GUF1: variants seen among roughly 807,000 people sequenced by gnomAD.
GUF1 encodes translation factor GUF1, mitochondrial.
A neutral mutation model predicts 82.4 loss-of-function variants in GUF1; 78 were observed. The ratio of observed to expected loss-of-function variants is 0.95; its 90% confidence interval spans 0.79 to 1.14. The LOEUF is 1.14. Among genes scored for constraint, GUF1 ranks in the 50% most tolerant of loss-of-function variants. GUF1 has a pLI of 0.00. For synonymous variants in GUF1, 279 were observed against 282.3 expected (o/e 0.99, Z 0.12); for missense variants, 814 against 798.2 (o/e 1.02, Z -0.24).
At chr4:44,692,539 T>C (rs952317384) in intron 13 of GUF1, among the ~76,000 whole-genome samples, 1 of 151,968 alleles carries the variant, frequency 6.6e-6, no homozygotes, top group South Asian at 2.1e-4. Flanking sequence ...AAAATGAACA[T>C]TGACATCTAT....
At chr4:44,681,065 A>G (rs1714745986) in intron 3 of GUF1, 58 bp from the exon 4 acceptor site, 1 of 1,440,922 alleles carries the variant, frequency 6.9e-7, no homozygotes, top group Admixed American at 1.7e-5. Flanking sequence ...ATTTGCCATA[A>G]TGCTCTTTCC....
In GUF1 at chr4:44,697,429, C is replaced by A. The variant is rs140830655; in HGVS notation, c.1857C>A (p.Asn619Lys). The change falls in exon 16 of 17, where the codon AAC (asparagine) becomes AAA (lysine). Residue 619 changes from asparagine (N) to lysine (K), a missense_variant. Asn to Lys is a moderately conservative substitution (Grantham distance 94, BLOSUM62 0). Transcript: ENST00000281543. The stretch of plus-strand genomic sequence containing the variant: ...ACAGTGTGAAAGCCTATAGGAAAAA[C>A]GTTTTGGCAAAATGTGTATGTATCT... The part of the protein sequence containing the change: ...ARETVKAYRK[N>K]VLAKCYGGDI... 6.4e-7 allele frequency: 1 copy of A among 1,561,246 alleles called. No individual in the cohort carries two copies. Among genetic ancestry groups the A allele is most frequent in the East Asian group, 2.3e-5 (1 of 42,984 alleles).
Position 44,689,362 on chromosome 4 carries a change from T to C in GUF1, c.1155T>C (p.Ser385=). The C allele has an allele frequency of 6.2e-7, 1 of 1,610,270 alleles. No homozygotes were observed. Among genetic ancestry groups the C allele is most frequent in the Non-Finnish European group, 8.5e-7 (1 of 1,177,602 alleles). ...AAAAACTGACTTTAAATGATTCCAG[T>C]GTGACCGTTCATCGGGATAGTAGCC... The part of the protein sequence containing the change: ...AIEKLTLNDS[S]VTVHRDSSLA... The change falls in exon 10 of 17, where the codon AGT becomes AGC. Residue 385 remains serine, a synonymous_variant. Coordinates refer to ENST00000281543, the MANE Select transcript of GUF1 (RefSeq NM_021927.3).
At chr4:44,697,554 C>A in intron 16 of GUF1, 110 bp downstream of exon 16, 1 of 528,884 alleles carries the variant, frequency 1.9e-6, no homozygotes, top group Non-Finnish European at 3.3e-6. Flanking sequence ...TCTTTGTTTC[C>A]AAGTTCCCTT....
At chr4:44,693,652 T>C (rs1243000777) in intron 13 of GUF1, among the ~76,000 whole-genome samples, 1 of 152,120 alleles carries the variant, frequency 6.6e-6, no homozygotes, top group Non-Finnish European at 1.5e-5. Context: ...ATTAAGACAA[T>C]AGGAGTATAC....
Position 44,699,623 on chromosome 4 carries a change from G to C in GUF1, c.*942G>C, listed in dbSNP as rs928511675. 2.0e-5 allele frequency: 3 copies of C among 152,152 alleles called. No individual in the cohort carries two copies. The highest frequency in any genetic ancestry group is 6.5e-5 in the Admixed American group (1 of 15,268). The allele number at this position is 152,152 out of a possible 1,614,324, so 9.4% of individuals were successfully genotyped here. ...CTACTTTAAGTTTAAAGGATTTTCA[G>C]AATCACCTTAAGTGTCAAATTTGTT... On this transcript the variant is annotated 3_prime_UTR_variant, in exon 17 of 17. Transcript: ENST00000281543.
chr4:44,686,476 G>GTA (rs758168298), intron 7 of GUF1, 34 bp from the exon 8 acceptor site: 11 of 1,270,096 alleles, frequency 8.7e-6, no homozygotes, highest in Non-Finnish European at 1.0e-5. Context: ...TTAATTTAGT[G>GTA]TATATATATT....
intron 8 of GUF1, among the ~76,000 whole-genome samples, chr4:44,686,982 CAATG>C (rs924429686): frequency 6.6e-5 from 10 of 151,744 alleles, no homozygotes; most frequent in Non-Finnish European, 1.3e-4. Context: ...TTTGATGAGA[CAATG>C]AAAGAGTTAG....
chr4:44,690,872 A>G lies in GUF1; in HGVS notation c.1479+12A>G, dbSNP rs1560346184. The G allele has an allele frequency of 6.4e-7, 1 of 1,558,192 alleles. No homozygotes were observed. The highest frequency in any genetic ancestry group is 2.3e-5 in the East Asian group (1 of 44,086). ...TGATGCTTTGCGAGGTATAACTATA[A>G]TACAATTTAATACAAAATTAGGTTT... On this transcript the variant is annotated intron_variant, in intron 12 of 16. Coordinates refer to ENST00000281543, the MANE Select transcript of GUF1 (RefSeq NM_021927.3).
chr4:44,696,312 C>G (rs1715823235), intron 15 of GUF1, among the ~76,000 whole-genome samples: 1 of 152,064 alleles, frequency 6.6e-6, no homozygotes, highest in Non-Finnish European at 1.5e-5. Context: ...TAAATCAGAA[C>G]ACTGGCTGGG....
rs138183055 is a variant in GUF1 at position 44,692,684 on chromosome 4, A to G, written c.1613+885A>G. Among the ~76,000 whole-genome samples, 50 of 152,032 alleles carry G rather than the reference A, an allele frequency of 3.3e-4. No individual in the cohort carries two copies. In the South Asian group the frequency reaches 3.3e-3, roughly 10 times the overall value. On this transcript the variant is annotated intron_variant, in intron 13 of 16. Transcript: ENST00000281543. ...GTCAGTGAAGAGAGTTAGCATATAT[A>G]ATTCTTCTTACCAAGGAATCTTCAT...
chr4:44,696,318 C>A (rs1223467002), intron 15 of GUF1, among the ~76,000 whole-genome samples: 1 of 152,052 alleles, frequency 6.6e-6, no homozygotes, highest in Non-Finnish European at 1.5e-5. Flanking sequence ...AGAACACTGG[C>A]TGGGTGTGGT....
chr4:44,687,424 G>C (rs1715123932), intron 8 of GUF1, among the ~76,000 whole-genome samples: 1 of 151,710 alleles, frequency 6.6e-6, no homozygotes, highest in South Asian at 2.1e-4. Context: ...TTTATATTCT[G>C]CCATATATAC....
In GUF1 at chr4:44,698,804, G is replaced by C. The variant is rs920310249; in HGVS notation, c.*123G>C. On this transcript the variant is annotated 3_prime_UTR_variant, in exon 17 of 17. Coordinates refer to ENST00000281543, the MANE Select transcript of GUF1 (RefSeq NM_021927.3). ...TCAAATAACCTACTAGTCTTTCGTT[G>C]AAAGGGAGTAGTTAGTGGGTAGGCA... The C allele has an allele frequency of 1.2e-6, 1 of 821,490 alleles. No individual in the cohort carries two copies. Among genetic ancestry groups the C allele is most frequent in the South Asian group, 1.9e-5 (1 of 53,114 alleles). The allele number at this position is 821,490 out of a possible 1,614,324, so 50.9% of individuals were successfully genotyped here. A position where few individuals can be genotyped will look rare whatever the true frequency, so the allele number is the denominator to read the frequency against.
rs1160700256 is a variant in GUF1, at chr4:44,686,710, A to C, written c.935A>C (p.Lys312Thr). ...AATCCTAATGAGCAGCCAACTCATAAATTGTAAGTAATCTGCATTAGTAAA... is the reference window on the plus strand; with the variant it reads ...AATCCTAATGAGCAGCCAACTCATACATTGTAAGTAATCTGCATTAGTAAA... ...VLNPNEQPTHKLYAGQVGYLI... is the reference protein window; with the variant it reads ...VLNPNEQPTHTLYAGQVGYLI... Residue 312 changes from lysine (K) to threonine (T), a missense_variant, in exon 8 of 17, where the codon AAA becomes ACA. Transcript: ENST00000281543. 1.3e-6 allele frequency: 2 copies of C among 1,585,222 alleles called. No homozygotes were observed. The highest frequency in any genetic ancestry group is 1.7e-5 in the Admixed American group (1 of 59,892).
At chr4:44,680,257 T>A (rs1714684909) in intron 1 of GUF1, among the ~76,000 whole-genome samples, 184 bp from the exon 2 acceptor site, 2 of 152,192 alleles carry the variant, frequency 1.3e-5, no homozygotes, top group Non-Finnish European at 2.9e-5. Flanking sequence ...CTTTGGCTAT[T>A]AAACTGATGT....
intron 15 of GUF1, among the ~76,000 whole-genome samples, chr4:44,695,936 C>G: frequency 1.3e-5 from 2 of 152,242 alleles, no homozygotes; most frequent in Non-Finnish European, 2.9e-5. Context: ...GTGATGTGAT[C>G]TGCAGTTAGT....
Position 44,689,903 on chromosome 4 carries a change from T to G in GUF1, c.1263T>G (p.Tyr421Ter). The change falls in exon 11 of 17, where the codon TAT becomes TAG. Residue 421 changes from tyrosine (Y) to a stop codon, truncating the protein, a stop_gained. Transcript: ENST00000281543. LOFTEE classifies it high-confidence loss of function. ...EVFNQRLEQEYNASVILTTPT... is the reference protein window; with the variant it reads ...EVFNQRLEQE Reference sequence around the variant, plus strand: ...TCAACCAGCGACTGGAGCAAGAATATAATGCTTCTGTTATTTTAACAACCC... The same window carrying G: ...TCAACCAGCGACTGGAGCAAGAATAGAATGCTTCTGTTATTTTAACAACCC... 6.2e-7 allele frequency: 1 copy of G among 1,608,966 alleles called. No individual in the cohort carries two copies.
At chr4:44,697,592 A>G (rs190307911) in intron 16 of GUF1, 148 bp downstream of exon 16, 1 of 417,256 alleles carries the variant, frequency 2.4e-6, no homozygotes, top group African/African-American at 2.0e-5. Flanking sequence ...CAGCTTGACC[A>G]TGGCAACCTG....
Sources: allele counts gnomAD v4.1 joint callset (sites outside exome capture counted in the v4.1 genomes callset), GRCh38; gene constraint gnomAD v4.1.1; transcripts MANE v1.5; gene names NCBI Gene and HGNC (gene_info 2026-07-23, HGNC 2026-07-21).